The following CNTN4 variants were observed in gnomAD, a reference collection of about 807,000 sequenced individuals.
CNTN4 encodes contactin-4.
A neutral mutation model predicts 122.5 loss-of-function variants in CNTN4; 77 were observed. The ratio of observed to expected loss-of-function variants is 0.63; its 90% confidence interval spans 0.52 to 0.76. CNTN4 has a LOEUF of 0.76. CNTN4 is among the 30% of genes least tolerant of loss of function. CNTN4 has a pLI of 0.00. For missense variants in CNTN4, 1,256 were observed against 1,259.1 expected (o/e 1.00, Z 0.04); for synonymous variants, 512 against 447.0 (o/e 1.15, Z -1.83).
At chr3:2,582,389 C>CAA (rs1409046219) in intron 4 of CNTN4, among the ~76,000 whole-genome samples, 1 of 151,696 alleles carries the variant, frequency 6.6e-6, no homozygotes, top group Non-Finnish European at 1.5e-5. Flanking sequence ...CCAAGTTTCC[C>CAA]AAACTGTAAT....
At chr3:2,126,985 G>T (rs970842407) in intron 2 of CNTN4, among the ~76,000 whole-genome samples, 3 of 152,166 alleles carry the variant, frequency 2.0e-5, no homozygotes, top group Non-Finnish European at 4.4e-5. Flanking sequence ...GTCTGATGAG[G>T]AGTCCTAGCA....
At chr3:2,597,303 G>C (rs1327826343) in intron 4 of CNTN4, among the ~76,000 whole-genome samples, 1 of 152,122 alleles carries the variant, frequency 6.6e-6, no homozygotes, top group Non-Finnish European at 1.5e-5. Context: ...ACAACATTGG[G>C]TTGCAAAGGA....
chr3:2,774,722 C>A (rs1023377164), intron 6 of CNTN4, among the ~76,000 whole-genome samples: 1 of 152,156 alleles, frequency 6.6e-6, no homozygotes, highest in Non-Finnish European at 1.5e-5. Context: ...GGAAAGACTG[C>A]AGGAGGATGA....
At chr3:2,563,300 T>C (rs2079032478) in intron 3 of CNTN4, among the ~76,000 whole-genome samples, 1 of 152,156 alleles carries the variant, frequency 6.6e-6, no homozygotes, top group African/African-American at 2.4e-5. Context: ...GTGCATAAAA[T>C]ATACAATAAA....
At chr3:2,608,346 G>C (rs1198174921) in intron 4 of CNTN4, among the ~76,000 whole-genome samples, 1 of 152,168 alleles carries the variant, frequency 6.6e-6, no homozygotes, top group East Asian at 1.9e-4. Context: ...TGCAGCCCCA[G>C]CTACTCAGGA....
chr3:2,228,558 T>C (rs1002785150), intron 2 of CNTN4, among the ~76,000 whole-genome samples: 1 of 152,072 alleles, frequency 6.6e-6, no homozygotes, highest in East Asian at 1.9e-4. Context: ...TCAACAGTAA[T>C]GATAAGACTG....
chr3:2,616,546 A>T (rs915506990), intron 4 of CNTN4, among the ~76,000 whole-genome samples: 3 of 152,202 alleles, frequency 2.0e-5, no homozygotes, highest in Non-Finnish European at 4.4e-5. Flanking sequence ...TCCTTGAGGA[A>T]TCGCCACACT....
In CNTN4 at chr3:2,531,908, T is replaced by A. The variant is rs146587680; in HGVS notation, c.-88-39508T>A. ...TAACCTGTGGCAGTGTTCGCTCTAATACTTGATCTTGTAAGAGAAAATTTC... is the reference window on the plus strand; with the variant it reads ...TAACCTGTGGCAGTGTTCGCTCTAAAACTTGATCTTGTAAGAGAAAATTTC... On this transcript the variant is annotated intron_variant, in intron 3 of 24. Coordinates refer to ENST00000418658, the MANE Select transcript of CNTN4 (RefSeq NM_175607.3). Among the ~76,000 whole-genome samples, 78 of 152,324 alleles carry A rather than the reference T, an allele frequency of 5.1e-4. 1 individual carries two copies. The East Asian group carries it at 0.015, about 29-fold the overall frequency.
chr3:2,830,589 A>G (rs925286929), intron 7 of CNTN4, among the ~76,000 whole-genome samples: 2 of 152,230 alleles, frequency 1.3e-5, no homozygotes, highest in Non-Finnish European at 2.9e-5. Flanking sequence ...TTACACATCC[A>G]GGAGAGTGCT....
At chr3:2,658,950 CCACACACACAAACAGACA>C (rs1188028744) in intron 4 of CNTN4, among the ~76,000 whole-genome samples, 1 of 120,320 alleles carries the variant, frequency 8.3e-6, no homozygotes, top group Non-Finnish European at 1.7e-5. Flanking sequence ...AATAACACAC[CCACACACACAAACAGACA>C]CACACACACA....
intron 3 of CNTN4, among the ~76,000 whole-genome samples, chr3:2,351,463 A>G (rs2044619929): frequency 6.6e-6 from 1 of 152,144 alleles, no homozygotes; most frequent in African/African-American, 2.4e-5. Context: ...ACTCGCATTA[A>G]AGAAGTGGAT....
chr3:2,963,884 AC>A (rs993137093), intron 13 of CNTN4, among the ~76,000 whole-genome samples: 3 of 152,172 alleles, frequency 2.0e-5, no homozygotes, highest in African/African-American at 4.8e-5. Context: ...TGCAGGGCCC[AC>A]AGTGGATGCT....
chr3:2,582,598 C>T (rs774253692), intron 4 of CNTN4, among the ~76,000 whole-genome samples: 1 of 152,132 alleles, frequency 6.6e-6, no homozygotes, highest in Non-Finnish European at 1.5e-5. Context: ...TGAACTCTCT[C>T]ATGTTAATTC....
intron 4 of CNTN4, among the ~76,000 whole-genome samples, chr3:2,729,845 C>T (rs1448442328): frequency 2.0e-5 from 3 of 150,808 alleles, no homozygotes; most frequent in East Asian, 4.0e-4. Flanking sequence ...ACCTGGGAGG[C>T]GGAGGTTGCA....
intron 3 of CNTN4, chr3:2,362,577 C>A: frequency 1.8e-6 from 1 of 558,372 alleles, no homozygotes; most frequent in Non-Finnish European, 3.5e-6. Flanking sequence ...AAGAAGACAG[C>A]AGCTTCTTGG....
intron 12 of CNTN4, among the ~76,000 whole-genome samples, chr3:2,920,040 T>G (rs2094412037): frequency 6.6e-6 from 1 of 152,062 alleles, no homozygotes; most frequent in African/African-American, 2.4e-5. Context: ...TGAGAGATCT[T>G]GAAATGGCTC....
intron 13 of CNTN4, among the ~76,000 whole-genome samples, chr3:2,927,936 C>G (rs1041463860): frequency 6.6e-6 from 1 of 152,148 alleles, no homozygotes; most frequent in African/African-American, 2.4e-5. Context: ...TTCTGATCCT[C>G]GTTCCCACCT....
At chr3:2,843,184 G>C (rs1306907697) in intron 7 of CNTN4, among the ~76,000 whole-genome samples, 1 of 152,086 alleles carries the variant, frequency 6.6e-6, no homozygotes, top group Non-Finnish European at 1.5e-5. Context: ...AGTTTTCCCA[G>C]TCACAGGAAA....
At chr3:2,350,918 C>G (rs556191376) in intron 3 of CNTN4, among the ~76,000 whole-genome samples, 39 of 152,272 alleles carry the variant, frequency 2.6e-4, no homozygotes, top group African/African-American at 9.1e-4. Flanking sequence ...CTGGATTACT[C>G]TAGCACAGCC....
Sources: allele counts gnomAD v4.1 joint callset (sites outside exome capture counted in the v4.1 genomes callset), GRCh38; gene constraint gnomAD v4.1.1; transcripts MANE v1.5; gene names NCBI Gene and HGNC (gene_info 2026-07-23, HGNC 2026-07-21).